PCDHA1: variants seen among roughly 807,000 people sequenced by gnomAD.
PCDHA1 encodes protocadherin alpha-1.
In PCDHA1, 42 loss-of-function variants were observed where a neutral mutation model predicts 61.3. The ratio of observed to expected loss-of-function variants is 0.69; its 90% CI spans 0.54 to 0.89. PCDHA1 has a LOEUF of 0.89. Ranked by LOEUF, PCDHA1 falls within the 40% of genes least tolerant of loss-of-function variation. PCDHA1 has a pLI of 0.00. For synonymous variants in PCDHA1, 610 were observed against 553.8 expected (o/e 1.10, Z -1.43); for missense variants, 1,256 against 1,235.3 (o/e 1.02, Z -0.25).
Position 140,918,450 on chromosome 5 carries a change from G to A in PCDHA1, c.2395-60499G>A, listed in dbSNP as rs7725108. On this transcript the variant is annotated intron_variant, in intron 1 of 3. Transcript: ENST00000504120. ...TGTTGAATAGGAGTGGTGACAGTGGGCATCCTTGTCTTATTCCAAGTCTCA... is the reference window on the plus strand; with the variant it reads ...TGTTGAATAGGAGTGGTGACAGTGGACATCCTTGTCTTATTCCAAGTCTCA... Among the ~76,000 whole-genome samples, 323 of 152,246 alleles carry A rather than the reference G, an allele frequency of 2.1e-3. 2 individuals carry two copies. The highest frequency in any genetic ancestry group is 7.4e-3 in the African/African-American group (306 of 41,540).
chr5:140,856,497 G>T (rs782069130), intron 1 of PCDHA1: 1 of 1,598,346 alleles, frequency 6.3e-7, no homozygotes. Flanking sequence ...CTTGACTCTC[G>T]ATTTCCACTA....
At chr5:140,947,706 A>G (rs2153680894) in intron 1 of PCDHA1, among the ~76,000 whole-genome samples, 1 of 151,686 alleles carries the variant, frequency 6.6e-6, no homozygotes, top group East Asian at 1.9e-4. Context: ...AGTTTTAAGT[A>G]TTGAGGTTTC....
chr5:140,981,603 C>T (rs1213864255), intron 2 of PCDHA1, among the ~76,000 whole-genome samples: 4 of 152,052 alleles, frequency 2.6e-5, no homozygotes, highest in Non-Finnish European at 5.9e-5. Context: ...CAAAATGTTC[C>T]TCTAATTTTG....
intron 1 of PCDHA1, chr5:140,804,983 G>A: frequency 6.6e-7 from 1 of 1,509,884 alleles, no homozygotes; most frequent in South Asian, 1.3e-5. Flanking sequence ...TCCATCTCAG[G>A]TCAGTATTTT....
At chr5:140,967,885 A>G in intron 1 of PCDHA1, 1 of 1,614,134 alleles carries the variant, frequency 6.2e-7, no homozygotes, top group South Asian at 1.1e-5. Context: ...TGTATAGCCC[A>G]GTGCCTGAGA....
rs1554202548 is a variant in PCDHA1 at position 140,925,108 on chromosome 5, G to GGAAGGAAGGAAGGAAGGAAGGAAGGAA, written c.2395-53840_2395-53839insAAGGAAGGAAGGAAGGAAGGAAGGAAG. On this transcript the variant is annotated intron_variant, in intron 1 of 3. Transcript: ENST00000504120. ...AAGGAAGGAAGGAAGGAAGGAAGGA[G>GGAAGGAAGGAAGGAAGGAAGGAAGGAA]GGAAGGAAGGAAGGAAAAAAAATTT... Among the ~76,000 whole-genome samples, 52 of 124,778 alleles carry GGAAGGAAGGAAGGAAGGAAGGAAGGAA rather than the reference G, an allele frequency of 4.2e-4. No individual in the cohort carries two copies. The Middle Eastern group carries it at 0.013, about 31-fold the overall frequency. The allele number at this position is 124,778 out of a possible 152,430, so 81.9% of individuals were successfully genotyped here. A position where few individuals can be genotyped will look rare whatever the true frequency, so the allele number is the denominator to read the frequency against.
At chr5:140,840,796 G>C (rs1776878567) in intron 1 of PCDHA1, among the ~76,000 whole-genome samples, 1 of 152,038 alleles carries the variant, frequency 6.6e-6, no homozygotes. Flanking sequence ...GCTCACCTCA[G>C]AGTAATATAT....
chr5:140,973,606 G>T (rs1554235444), intron 1 of PCDHA1, among the ~76,000 whole-genome samples: 1 of 152,204 alleles, frequency 6.6e-6, no homozygotes, highest in African/African-American at 2.4e-5. Flanking sequence ...TTATGGCTGA[G>T]CTCTTCTCTG....
At chr5:140,848,296 G>A (rs181978789) in intron 1 of PCDHA1, 6 of 652,806 alleles carry the variant, frequency 9.2e-6, no homozygotes, top group Non-Finnish European at 1.3e-5. Flanking sequence ...TTTGGGCCAC[G>A]TGATGTCACT....
chr5:140,952,471 A>AAAGT (rs1205705150), intron 1 of PCDHA1, among the ~76,000 whole-genome samples: 2 of 152,204 alleles, frequency 1.3e-5, no homozygotes, highest in Non-Finnish European at 2.9e-5. Context: ...AAGCATAAGG[A>AAAGT]AAGTGACATT....
chr5:140,815,120 T>C (rs1765657853), intron 1 of PCDHA1: 1 of 152,118 alleles, frequency 6.6e-6, no homozygotes, highest in Non-Finnish European at 1.5e-5. Flanking sequence ...TATAATTGGG[T>C]CTTTAAAAAA....
chr5:140,838,514 G>A (rs1775767521), intron 1 of PCDHA1, among the ~76,000 whole-genome samples: 1 of 151,652 alleles, frequency 6.6e-6, no homozygotes, highest in African/African-American at 2.4e-5. Context: ...AAAAGTATTT[G>A]CATCTTATTT....
intron 1 of PCDHA1, chr5:140,876,741 G>C: frequency 6.2e-7 from 1 of 1,614,264 alleles, no homozygotes; most frequent in Non-Finnish European, 8.5e-7. Flanking sequence ...CCTATGAGCT[G>C]GTGGTGACTG....
chr5:140,851,571 A>C (rs1036529099), intron 1 of PCDHA1: 1 of 908,760 alleles, frequency 1.1e-6, no homozygotes, highest in Admixed American at 6.3e-5. Context: ...TTTTGTCTAC[A>C]CTTAGAACAT....
At chr5:140,829,192 T>G in intron 1 of PCDHA1, 1 of 1,614,230 alleles carries the variant, frequency 6.2e-7, no homozygotes, top group Non-Finnish European at 8.5e-7. Flanking sequence ...AATTTGGTAC[T>G]GTCATCGCCC....
rs368819593 is a variant in PCDHA1, at chr5:140,803,081, G to A, written c.2394+14397G>A. The stretch of plus-strand genomic sequence containing the variant: ...TCCCGTTTCGCGTGGGGCTGTACAC[G>A]GGAGAGATCAGCACGACCCGTGCCC... On this transcript the variant is annotated intron_variant, in intron 1 of 3. Coordinates refer to ENST00000504120, the MANE Select transcript of PCDHA1 (RefSeq NM_018900.4). The A allele has an allele frequency of 2.5e-6, 4 of 1,613,820 alleles. No individual in the cohort carries two copies. In the African/African-American group the frequency reaches 4.0e-5, roughly 16 times the overall value.
chr5:140,787,586 G>A lies in PCDHA1; in HGVS notation c.1296G>A (p.Ser432=), dbSNP rs782343449. Reference sequence around the variant, plus strand: ...TGGTGACCGCGCGGGACGGGGGCTCGCCTTCGCTGTGGGCCACGGCCAGGG... The same window carrying A: ...TGGTGACCGCGCGGGACGGGGGCTCACCTTCGCTGTGGGCCACGGCCAGGG... ...ELVVTARDGG[S]PSLWATARVS... is the part of the protein sequence containing the mutation. Residue 432 remains serine, a synonymous_variant, in exon 1 of 4, where the codon TCG becomes TCA. Transcript: ENST00000504120. 6.2e-7 allele frequency: 1 copy of A among 1,614,174 alleles called. No homozygotes were observed. The highest frequency in any genetic ancestry group is 1.7e-5 in the Admixed American group (1 of 60,030).
Position 140,786,500 on chromosome 5 carries a change from A to G in PCDHA1, c.210A>G (p.Thr70=). Residue 70 remains threonine (T), a synonymous_variant, in exon 1 of 4, where the codon ACA becomes ACG. Coordinates refer to ENST00000504120, the MANE Select transcript of PCDHA1 (RefSeq NM_018900.4). ...GCCTGTTCCGGGTGGCGTCCAAAAC[A>G]CACAGGGACCTTCTGGAGGTAAATC... ...VPRLFRVASK[T]HRDLLEVNLQ... 4.3e-6 allele frequency: 7 copies of G among 1,613,884 alleles called. No homozygotes were observed. Among genetic ancestry groups the G allele is most frequent in the Non-Finnish European group, 5.9e-6 (7 of 1,180,034 alleles).
At position 140,993,462 on chromosome 5, in the gene PCDHA1, TCACACACACACACACACACA is replaced by T. The variant is rs3836747; in HGVS notation, c.2542+10927_2542+10946del. ...CATTCCTGTTCTCCTTCTTTCTTTC[TCACACACACACACACACACA>T]CACACACACACACACACACACACAC... On this transcript the variant is annotated intron_variant, in intron 3 of 3. Coordinates refer to ENST00000504120, the MANE Select transcript of PCDHA1 (RefSeq NM_018900.4). Among the ~76,000 whole-genome samples the T allele has an allele frequency of 7.1e-5, 10 of 141,044 alleles. No individual in the cohort carries two copies. In the South Asian group the frequency reaches 9.5e-4, roughly 13 times the overall value. The allele number at this position is 141,044 out of a possible 152,430, so 92.5% of individuals were successfully genotyped here.
Sources: allele counts gnomAD v4.1 joint callset (sites outside exome capture counted in the v4.1 genomes callset), GRCh38; gene constraint gnomAD v4.1.1; transcripts MANE v1.5; gene names NCBI Gene and HGNC (gene_info 2026-07-23, HGNC 2026-07-21).